Variants in ARHGAP18 observed in about 807,000 individuals in gnomAD.
ARHGAP18 encodes Rho GTPase activating protein 18.
A neutral mutation model predicts 86.2 loss-of-function variants in ARHGAP18; 67 were observed. The ratio of observed to expected loss-of-function variants is 0.78; its 90% CI spans 0.64 to 0.95. ARHGAP18 has a LOEUF of 0.95. ARHGAP18 is among the 40% of genes least tolerant of loss of function. The pLI is 0.00. For missense variants in ARHGAP18, 691 were observed against 780.4 expected (o/e 0.89, Z 1.37); for synonymous variants, 283 against 280.4 (o/e 1.01, Z -0.09).
chr6:129,598,824 A>C (rs1157746429), intron 12 of ARHGAP18: 7 of 152,820 alleles, frequency 4.6e-5, no homozygotes, highest in Non-Finnish European at 1.0e-4. Context: ...CAGATGAGAA[A>C]AATTTAGAAA....
At position 129,592,144 on chromosome 6, in the gene ARHGAP18, G is replaced by A. The variant is rs185500410; in HGVS notation, c.1713+7072C>T. Among the ~76,000 whole-genome samples, 7 of 151,996 alleles carry A rather than the reference G, an allele frequency of 4.6e-5. 1 individual carries two copies. The highest frequency in any genetic ancestry group is 1.5e-5 in the Non-Finnish European group (1 of 68,002). On this transcript the variant is annotated intron_variant, in intron 12 of 14. Transcript: ENST00000368149. Reference sequence around the variant, plus strand: ...TTTTTATGCAGTATTAAAAATCAGGGAATGTCATAAAAAGAAATAAGATTT... The same window carrying A: ...TTTTTATGCAGTATTAAAAATCAGGAAATGTCATAAAAAGAAATAAGATTT...
chr6:129,625,118 G>T lies in ARHGAP18; in HGVS notation c.786+4235C>A, dbSNP rs1363499054. Among the ~76,000 whole-genome samples, 112 of 21,678 alleles carry T rather than the reference G, an allele frequency of 5.2e-3. 7 individuals carry two copies. The highest frequency in any genetic ancestry group is 0.02 in the African/African-American group (101 of 5,168). The allele number at this position is 21,678 out of a possible 152,430, so 14.2% of individuals were successfully genotyped here. On this transcript the variant is annotated intron_variant, in intron 5 of 14. Coordinates refer to ENST00000368149, the MANE Select transcript of ARHGAP18 (RefSeq NM_033515.3). ...TATGATATATATTATATATTATATA[G>T]ATATATATTATATATGATATATATT...
chr6:129,581,341 C>A (rs1282075807), intron 13 of ARHGAP18, among the ~76,000 whole-genome samples: 1 of 152,190 alleles, frequency 6.6e-6, no homozygotes, highest in Non-Finnish European at 1.5e-5. Context: ...CCACCTGCTG[C>A]ACTGCATCTG....
chr6:129,593,183 C>G (rs1041430411), intron 12 of ARHGAP18, among the ~76,000 whole-genome samples: 2 of 152,026 alleles, frequency 1.3e-5, no homozygotes, highest in South Asian at 2.1e-4. Flanking sequence ...ATTACCAGGC[C>G]AGGTGCAGTG....
rs1251746661 is a variant in ARHGAP18 at position 129,643,508 on chromosome 6, A to G, written c.114-1490T>C. 2.0e-5 allele frequency among the ~76,000 whole-genome samples: 3 copies of G among 152,164 alleles called. No homozygotes were observed. In the East Asian group the frequency reaches 5.8e-4, roughly 29 times the overall value. On this transcript the variant is annotated intron_variant, in intron 1 of 14. Transcript: ENST00000368149. ...GCTTCCCCAGCCATACTGAACTGTG[A>G]GTCAATTAAACCTCTTCCCTTTACA...
chr6:129,660,818 G>T (rs1166855652), intron 1 of ARHGAP18, among the ~76,000 whole-genome samples: 1 of 152,116 alleles, frequency 6.6e-6, no homozygotes, highest in Non-Finnish European at 1.5e-5. Flanking sequence ...ATCCATGAGG[G>T]TTAAAATGAT....
At chr6:129,681,208 G>A (rs2114537108) in intron 1 of ARHGAP18, among the ~76,000 whole-genome samples, 1 of 152,288 alleles carries the variant, frequency 6.6e-6, no homozygotes, top group South Asian at 2.1e-4. Context: ...CTCCTGAGTA[G>A]CTGGGACTAC....
chr6:129,682,299 C>G (rs1233892098), intron 1 of ARHGAP18, among the ~76,000 whole-genome samples: 3 of 152,108 alleles, frequency 2.0e-5, no homozygotes, highest in Non-Finnish European at 4.4e-5. Context: ...ATAAAACAAC[C>G]CACGCCTTTC....
At chr6:129,592,645 A>C (rs1788540575) in intron 12 of ARHGAP18, among the ~76,000 whole-genome samples, 1 of 152,112 alleles carries the variant, frequency 6.6e-6, no homozygotes, top group Non-Finnish European at 1.5e-5. Context: ...TTTGGACAGA[A>C]TCTCATACAG....
At chr6:129,633,434 CAAA>C (rs34853507) in intron 4 of ARHGAP18, among the ~76,000 whole-genome samples, 3 of 104,442 alleles carry the variant, frequency 2.9e-5, no homozygotes, top group Non-Finnish European at 3.9e-5. Context: ...GACTCCACCT[CAAA>C]AAAAAAAAAA....
At chr6:129,664,994 G>A (rs1276988996) in intron 1 of ARHGAP18, among the ~76,000 whole-genome samples, 4 of 152,184 alleles carry the variant, frequency 2.6e-5, no homozygotes, top group African/African-American at 9.7e-5. Context: ...ACTGTTCTAG[G>A]TGAATAGTTA....
chr6:129,706,022 T>G (rs954921594), intron 1 of ARHGAP18, among the ~76,000 whole-genome samples: 1 of 152,182 alleles, frequency 6.6e-6, no homozygotes, highest in African/African-American at 2.4e-5. Flanking sequence ...ATGCCATACA[T>G]TTATTCAGAG....
intron 1 of ARHGAP18, among the ~76,000 whole-genome samples, chr6:129,659,503 T>G (rs1208104106): frequency 6.6e-6 from 1 of 152,174 alleles, no homozygotes; most frequent in Non-Finnish European, 1.5e-5. Context: ...AGAGTCTCAC[T>G]GTCACCCAGG....
intron 1 of ARHGAP18, among the ~76,000 whole-genome samples, chr6:129,706,952 C>T (rs11753498): frequency 0.22 from 30,911 of 141,400 alleles, 3,473 homozygotes; most frequent in South Asian, 0.32. Context: ...TCAGGCTGGG[C>T]GCAGTGGCTC....
intron 1 of ARHGAP18, among the ~76,000 whole-genome samples, chr6:129,655,990 T>C (rs1178584560): frequency 6.6e-6 from 1 of 152,254 alleles, no homozygotes; most frequent in Non-Finnish European, 1.5e-5. Flanking sequence ...ACAGTGAAAC[T>C]GGAATGAAGT....
chr6:129,685,908 C>A (rs867433913), intron 1 of ARHGAP18, among the ~76,000 whole-genome samples: 1 of 152,294 alleles, frequency 6.6e-6, no homozygotes, highest in African/African-American at 2.4e-5. Flanking sequence ...TTTGCAACAA[C>A]CCTGCCTGTA....
intron 12 of ARHGAP18, among the ~76,000 whole-genome samples, chr6:129,595,138 C>CAT (rs10633215): frequency 0.56 from 84,974 of 151,746 alleles, 24,663 homozygotes; most frequent in African/African-American, 0.72. Context: ...ATAAATATTA[C>CAT]GAGACAATAT....
chr6:129,630,734 C>A (rs1212313750), intron 4 of ARHGAP18, among the ~76,000 whole-genome samples: 5 of 152,260 alleles, frequency 3.3e-5, no homozygotes, highest in African/African-American at 9.6e-5. Context: ...GAGACCTGTG[C>A]AGCCACACAG....
Position 129,611,542 on chromosome 6 carries a change from A to G in ARHGAP18, c.1113T>C (p.Ile371=), listed in dbSNP as rs1240814373. The G allele has an allele frequency of 1.2e-6, 2 of 1,613,540 alleles. No individual in the cohort carries two copies. The highest frequency in any genetic ancestry group is 1.7e-6 in the Non-Finnish European group (2 of 1,179,690). The stretch of plus-strand genomic sequence containing the variant: ...AGAACCCAGAGATTACCTTGATTCT[A>G]ATGGCAGCTCCAGGGATCCGTAAGA... ...EGLLRIPGAA[I]RIKNLCQELE... The change falls in exon 8 of 15, where the codon ATT becomes ATC. Residue 371 remains isoleucine (I), a synonymous_variant. Coordinates refer to ENST00000368149, the MANE Select transcript of ARHGAP18 (RefSeq NM_033515.3).
Sources: gnomAD v4.1 joint callset for allele counts (sites outside exome capture counted in the v4.1 genomes callset) on GRCh38, gnomAD v4.1.1 for gene constraint, MANE v1.5 for transcripts, NCBI Gene and HGNC (gene_info 2026-07-23, HGNC 2026-07-21) for gene names.